NXPE2: variants seen among roughly 807,000 people sequenced by gnomAD.
The protein encoded by NXPE2 is NXPE family member 2.
A neutral mutation model predicts 34.4 loss-of-function variants in NXPE2; 34 were observed. The ratio of observed to expected loss-of-function variants is 0.99; its 90% CI spans 0.75 to 1.31. The LOEUF is 1.31. NXPE2 is among the 40% of genes most tolerant of loss of function. The pLI is 0.00. For missense variants in NXPE2, 649 were observed against 672.5 expected (o/e 0.97, Z 0.39); for synonymous variants, 235 against 231.3 (o/e 1.02, Z -0.15).
chr11:114,621,150 C>CT, the NXPE2 span, among the ~76,000 whole-genome samples: 13 of 152,306 alleles, frequency 8.5e-5, no homozygotes, highest in Admixed American at 3.9e-4. Context: ...TGGGTAAACA[C>CT]TGTTACCCAG....
the NXPE2 span, among the ~76,000 whole-genome samples, chr11:114,723,027 C>A: frequency 6.6e-6 from 1 of 152,024 alleles, no homozygotes; most frequent in Non-Finnish European, 1.5e-5. Context: ...AGTTTGAAAA[C>A]CTTCAAAACA....
chr11:114,566,501 G>A, the NXPE2 span, among the ~76,000 whole-genome samples: 1 of 152,200 alleles, frequency 6.6e-6, no homozygotes. Context: ...CAAAGAAGTA[G>A]CCATTGGATT....
At chr11:114,811,561 G>A in the NXPE2 span, among the ~76,000 whole-genome samples, 2 of 152,178 alleles carry the variant, frequency 1.3e-5, no homozygotes, top group African/African-American at 4.8e-5. Context: ...CAAACAGCCA[G>A]GCAGTGGTAG....
At chr11:114,556,620 C>T in the NXPE2 span, among the ~76,000 whole-genome samples, 1 of 151,956 alleles carries the variant, frequency 6.6e-6, no homozygotes, top group South Asian at 2.1e-4. Flanking sequence ...TGATTCCCTA[C>T]TTTTAAGTGT....
At position 114,705,898 on chromosome 11, in the gene NXPE2, CA is replaced by C; in HGVS notation, c.1052del (p.Asn351IlefsTer2). Reference protein sequence around the residue: ...AFCKQIKFNETKNINDCLERK... With the variant: ...AFCKQIKFNEXKNINDCLERK... ...TGTAAACAGATCAAGTTCAATGAAA[CA>C]AAAAATATAAATGACTGCTTGGAAA... On this transcript the variant is annotated frameshift_variant, in exon 5 of 6. Coordinates refer to ENST00000389586, the MANE Select transcript of NXPE2 (RefSeq NM_182495.6). LOFTEE classifies it high-confidence loss of function. 1.3e-6 allele frequency: 2 copies of C among 1,541,558 alleles called. No homozygotes were observed. Among genetic ancestry groups the C allele is most frequent in the South Asian group, 1.2e-5 (1 of 82,432 alleles).
At chr11:114,768,239 CT>C in the NXPE2 span, among the ~76,000 whole-genome samples, 1 of 152,170 alleles carries the variant, frequency 6.6e-6, no homozygotes, top group African/African-American at 2.4e-5. Context: ...GGTGTTATTT[CT>C]GAGGCCTCTG....
chr11:114,667,518 T>C, the NXPE2 span, among the ~76,000 whole-genome samples: 4 of 152,280 alleles, frequency 2.6e-5, no homozygotes, highest in Admixed American at 2.6e-4. Context: ...AATGGATTTG[T>C]CTTGCTTCTA....
the NXPE2 span, among the ~76,000 whole-genome samples, chr11:114,630,407 A>G: frequency 6.6e-6 from 1 of 151,986 alleles, no homozygotes; most frequent in Admixed American, 6.5e-5. Flanking sequence ...AACCTGAGAA[A>G]AACAAGCAAT....
At chr11:114,528,774 G>A in the NXPE2 span, 1 of 654,466 alleles carries the variant, frequency 1.5e-6, no homozygotes, top group East Asian at 2.7e-5. Flanking sequence ...CAGGTGCCAA[G>A]TATAACAGAT....
chr11:114,793,218 C>T, the NXPE2 span, among the ~76,000 whole-genome samples: 88 of 152,264 alleles, frequency 5.8e-4, no homozygotes, highest in African/African-American at 2.0e-3. Context: ...CTGCTTTAGA[C>T]GATAGCTGAT....
At chr11:114,757,520 T>C in the NXPE2 span, among the ~76,000 whole-genome samples, 314 of 152,270 alleles carry the variant, frequency 2.1e-3, no homozygotes, top group African/African-American at 7.4e-3. Context: ...CTTTCTCTCC[T>C]CAGAATAAGG....
the NXPE2 span, among the ~76,000 whole-genome samples, chr11:114,476,529 G>T: frequency 3.9e-5 from 6 of 152,214 alleles, no homozygotes; most frequent in Admixed American, 1.3e-4. Context: ...ATAAAGGAAA[G>T]AGGTTTGTTT....
the NXPE2 span, among the ~76,000 whole-genome samples, chr11:114,535,667 G>A: frequency 2.6e-5 from 4 of 152,016 alleles, no homozygotes; most frequent in Non-Finnish European, 5.9e-5. Context: ...AACCAACAAA[G>A]ATCAAAAGAG....
the NXPE2 span, among the ~76,000 whole-genome samples, chr11:114,468,394 A>G: frequency 1.1e-4 from 17 of 152,200 alleles, no homozygotes; most frequent in African/African-American, 4.1e-4. Flanking sequence ...GGGGCTTCTG[A>G]CATACCACTG....
chr11:114,635,802 C>A, the NXPE2 span, among the ~76,000 whole-genome samples: 11 of 152,084 alleles, frequency 7.2e-5, no homozygotes, highest in African/African-American at 2.4e-4. Flanking sequence ...GGCTTGCATC[C>A]CAGGGATGAA....
At chr11:114,476,957 C>T in the NXPE2 span, among the ~76,000 whole-genome samples, 4 of 152,206 alleles carry the variant, frequency 2.6e-5, no homozygotes, top group Admixed American at 2.6e-4. Context: ...ATTAAATGTA[C>T]ATCTACCATA....
intron 3 of NXPE2, among the ~76,000 whole-genome samples, chr11:114,700,918 C>T (rs902700289): frequency 6.6e-6 from 1 of 151,978 alleles, no homozygotes; most frequent in East Asian, 1.9e-4. Flanking sequence ...CTTCAGAGGG[C>T]AAATTTCCAG....
the NXPE2 span, among the ~76,000 whole-genome samples, chr11:114,555,859 T>G: frequency 6.6e-6 from 1 of 152,210 alleles, no homozygotes; most frequent in East Asian, 1.9e-4. Flanking sequence ...TATCAGTAGT[T>G]TGTTCCTTTT....
chr11:114,730,068 T>G, the NXPE2 span, among the ~76,000 whole-genome samples: 1 of 152,230 alleles, frequency 6.6e-6, no homozygotes, highest in African/African-American at 2.4e-5. Context: ...CCATGTTGAT[T>G]TAATTCTTGT....
Sources: allele counts gnomAD v4.1 joint callset (sites outside exome capture counted in the v4.1 genomes callset), GRCh38; gene constraint gnomAD v4.1.1; transcripts MANE v1.5; gene names NCBI Gene and HGNC (gene_info 2026-07-23, HGNC 2026-07-21).